Variants in LCORL observed in about 807,000 individuals in gnomAD.
LCORL encodes ligand dependent nuclear receptor corepressor like, also known as ligand-dependent nuclear receptor corepressor-like protein.
A neutral mutation model predicts 141.8 loss-of-function variants in LCORL; 41 were observed. The observed-to-expected ratio is 0.29, with a 90% CI of 0.23 to 0.38. The LOEUF (loss-of-function observed/expected upper bound fraction) is 0.38. Among genes scored for constraint, LCORL ranks in the 10% least tolerant of loss-of-function variants. The probability of loss-of-function intolerance (pLI) is 1.00; values close to 1 mark genes in which losing one functional copy is unlikely to be tolerated. For missense variants in LCORL, 1,759 were observed against 2,035.0 expected, an observed-to-expected ratio of 0.86 and a Z score of 2.61; for synonymous variants, 618 against 694.1, an observed-to-expected ratio of 0.89 and a Z score of 1.72.
exon 7 of LCORL, chr4:17,877,920 C>T: frequency 2.4e-6 from 3 of 1,230,654 alleles, no homozygotes; most frequent in Non-Finnish European, 3.0e-6. Flanking sequence ...AGGTTCTAAA[C>T]CAGGGCTTTG....
At chr4:17,906,018 T>C (rs1249161822) in intron 5 of LCORL, among the ~76,000 whole-genome samples, 1 of 152,212 alleles carries the variant, frequency 6.6e-6, no homozygotes, top group Non-Finnish European at 1.5e-5. Context: ...AAGTATATTA[T>C]CATTCAATAA....
intron 4 of LCORL, among the ~76,000 whole-genome samples, chr4:17,955,063 A>C (rs948702502): frequency 2.0e-5 from 3 of 152,194 alleles, no homozygotes; most frequent in Non-Finnish European, 2.9e-5. Flanking sequence ...CAAGTGAGTG[A>C]ATGTATATCA....
chr4:18,008,627 G>T (rs1489999253), intron 1 of LCORL, among the ~76,000 whole-genome samples: 1 of 152,122 alleles, frequency 6.6e-6, no homozygotes, highest in African/African-American at 2.4e-5. Flanking sequence ...GTAAAATGAA[G>T]ATAAAAATTG....
At chr4:17,951,331 A>G (rs1421397209) in intron 4 of LCORL, among the ~76,000 whole-genome samples, 1 of 152,060 alleles carries the variant, frequency 6.6e-6, no homozygotes, top group East Asian at 1.9e-4. Context: ...ACAATCTCTA[A>G]CTCCTCTTCC....
chr4:17,908,038 C>CT lies in LCORL; in HGVS notation c.682+1055dup, dbSNP rs1231942278. 1.3e-4 allele frequency among the ~76,000 whole-genome samples: 19 copies of CT among 151,242 alleles called. No individual in the cohort carries two copies. The East Asian group carries it at 2.5e-3, about 20-fold the overall frequency. Reference sequence around the variant, plus strand: ...TTCAAACACTAACTAGTATATTCTTCTTTTTTTTTAAGAGACAGAGTTTCG... The same window carrying CT: ...TTCAAACACTAACTAGTATATTCTTCTTTTTTTTTTAAGAGACAGAGTTTCG... On this transcript the variant is annotated intron_variant, in intron 5 of 7. Transcript: ENST00000635767.
At chr4:17,943,859 A>G (rs1482518111) in intron 4 of LCORL, among the ~76,000 whole-genome samples, 1 of 152,194 alleles carries the variant, frequency 6.6e-6, no homozygotes, top group African/African-American at 2.4e-5. Context: ...CCATACCATT[A>G]TCACAAAAGA....
intron 1 of LCORL, among the ~76,000 whole-genome samples, chr4:17,992,593 G>A (rs564869179): frequency 1.4e-3 from 213 of 152,202 alleles, no homozygotes; most frequent in Middle Eastern, 0.014. Context: ...ACAGATTCTT[G>A]AGTTGCTAGA....
intron 4 of LCORL, among the ~76,000 whole-genome samples, chr4:17,945,440 C>CA (rs1423486505): frequency 1.3e-5 from 2 of 151,054 alleles, no homozygotes; most frequent in African/African-American, 2.4e-5. Flanking sequence ...AATTTATCGT[C>CA]AATACAACTA....
chr4:17,873,693 T>C (rs1726617518), exon 7 of LCORL: 1 of 1,233,970 alleles, frequency 8.1e-7, no homozygotes, highest in South Asian at 4.1e-5. Context: ...CTTTGATTCT[T>C]CCATATGAGT....
chr4:17,849,076 C>T (rs556198653), intron 7 of LCORL, among the ~76,000 whole-genome samples: 24 of 152,380 alleles, frequency 1.6e-4, no homozygotes, highest in African/African-American at 5.5e-4. Context: ...GCCTGCCTGC[C>T]TCTGCAGGCT....
At chr4:18,012,159 A>G (rs886153911) in intron 1 of LCORL, among the ~76,000 whole-genome samples, 3 of 152,244 alleles carry the variant, frequency 2.0e-5, no homozygotes, top group African/African-American at 7.2e-5. Context: ...AAAAGAAGGA[A>G]GAATAACTAA....
At chr4:18,001,352 C>T (rs778838576) in intron 1 of LCORL, among the ~76,000 whole-genome samples, 9 of 152,086 alleles carry the variant, frequency 5.9e-5, no homozygotes, top group South Asian at 2.1e-4. Flanking sequence ...GCTACTGATA[C>T]GCTCTTTGAC....
At chr4:17,979,818 GTTGT>G (rs769816785) in intron 1 of LCORL, among the ~76,000 whole-genome samples, 98 of 152,268 alleles carry the variant, frequency 6.4e-4, no homozygotes, top group Non-Finnish European at 7.6e-4. Context: ...TGGAATTAAG[GTTGT>G]TTATCAGCTG....
intron 4 of LCORL, among the ~76,000 whole-genome samples, chr4:17,959,327 C>G (rs1713317294): frequency 6.6e-6 from 1 of 151,972 alleles, no homozygotes; most frequent in African/African-American, 2.4e-5. Flanking sequence ...CTACTTAGTA[C>G]TTAAAAGAGT....
chr4:17,897,695 T>C (rs1265895771), intron 5 of LCORL, among the ~76,000 whole-genome samples: 1 of 152,182 alleles, frequency 6.6e-6, no homozygotes, highest in Non-Finnish European at 1.5e-5. Context: ...GAAATTGTTC[T>C]TCTACTGATG....
intron 4 of LCORL, among the ~76,000 whole-genome samples, chr4:17,943,064 T>C (rs894197000): frequency 1.3e-5 from 2 of 152,180 alleles, no homozygotes; most frequent in African/African-American, 2.4e-5. Context: ...CTGAGAAAAA[T>C]TGTCTTCTAC....
intron 7 of LCORL, among the ~76,000 whole-genome samples, chr4:17,865,300 T>C (rs1180723133): frequency 6.6e-6 from 1 of 152,180 alleles, no homozygotes; most frequent in Non-Finnish European, 1.5e-5. Flanking sequence ...AAACAGTATA[T>C]TAGAATTAAA....
intron 6 of LCORL, chr4:17,881,268 G>A: frequency 1.0e-6 from 1 of 982,048 alleles, no homozygotes; most frequent in Non-Finnish European, 1.2e-6. Context: ...TCAGAAAATT[G>A]TCAATTAATA....
exon 8 of LCORL, chr4:17,842,578 A>G (rs1234392761): frequency 9.4e-6 from 5 of 532,254 alleles, no homozygotes; most frequent in African/African-American, 3.9e-5. Context: ...GCTTTTGCCT[A>G]TTAGCTGGCA....
Sources: allele counts gnomAD v4.1 joint callset (sites outside exome capture counted in the v4.1 genomes callset), GRCh38; gene constraint gnomAD v4.1.1; transcripts MANE v1.5; gene names NCBI Gene and HGNC (gene_info 2026-07-23, HGNC 2026-07-21).